Variants in DLG2 observed in about 807,000 individuals in gnomAD.
DLG2 encodes the protein disks large homolog 2.
Under a neutral mutation model 132.5 loss-of-function variants are expected in DLG2, and 45 were observed. That is an observed-to-expected ratio of 0.34 (90% CI 0.27 to 0.44). The LOEUF (loss-of-function observed/expected upper bound fraction) is 0.44. DLG2 is among the 20% of genes least tolerant of loss of function. DLG2 has a pLI of 1.00. For synonymous variants in DLG2, 424 were observed against 419.6 expected (o/e 1.01, Z -0.13); for missense variants, 1,045 against 1,196.9 (o/e 0.87, Z 1.87).
In DLG2 at chr11:83,937,487, G is replaced by A. The variant is rs189280684; in HGVS notation, c.1341-7004C>T. On this transcript the variant is annotated intron_variant, in intron 14 of 27. Coordinates refer to ENST00000376104, the MANE Select transcript of DLG2 (RefSeq NM_001142699.3). ...TGTGCCACCGCACTCCAGCCTGGGC[G>A]AAAGAGTGAGACTCCATCTCAAAAA... 8.8e-3 allele frequency among the ~76,000 whole-genome samples: 1,057 copies of A among 119,770 alleles called. 13 individuals are homozygous for A. The highest frequency in any genetic ancestry group is 0.032 in the African/African-American group (1,006 of 31,060). 78.6% of individuals were successfully genotyped at this position (119,770 alleles called of 152,430 possible).
intron 3 of DLG2, among the ~76,000 whole-genome samples, chr11:85,584,924 G>A (rs1465153742): frequency 6.6e-6 from 1 of 152,196 alleles, no homozygotes; most frequent in Non-Finnish European, 1.5e-5. Flanking sequence ...TGTATAGACT[G>A]CAAAGATTTT....
At chr11:83,940,352 T>A (rs185100783) in intron 14 of DLG2, among the ~76,000 whole-genome samples, 1 of 152,242 alleles carries the variant, frequency 6.6e-6, no homozygotes, top group Non-Finnish European at 1.5e-5. Flanking sequence ...TGTACTTTGA[T>A]GTATTTTAAA....
chr11:84,545,154 G>T, intron 6 of DLG2: 1 of 449,898 alleles, frequency 2.2e-6, no homozygotes, highest in Non-Finnish European at 4.4e-6. Context: ...CACTGCCATG[G>T]CTAATGCTGC....
At chr11:83,970,145 G>A (rs1180280996) in intron 12 of DLG2, among the ~76,000 whole-genome samples, 2 of 152,118 alleles carry the variant, frequency 1.3e-5, no homozygotes, top group Admixed American at 6.6e-5. Flanking sequence ...TTCTGACAAG[G>A]GCTCATTGTC....
At chr11:85,587,053 T>C (rs944817932) in intron 3 of DLG2, among the ~76,000 whole-genome samples, 2 of 152,202 alleles carry the variant, frequency 1.3e-5, no homozygotes, top group African/African-American at 4.8e-5. Context: ...CACTGTGGTC[T>C]GAGAGGGTAC....
intron 4 of DLG2, among the ~76,000 whole-genome samples, chr11:85,179,055 G>C (rs1355888608): frequency 6.6e-6 from 1 of 151,778 alleles, no homozygotes; most frequent in Non-Finnish European, 1.5e-5. Flanking sequence ...TATGCACTCA[G>C]ACACACAAGA....
chr11:84,047,115 G>C (rs899069318), intron 11 of DLG2, among the ~76,000 whole-genome samples: 2 of 151,500 alleles, frequency 1.3e-5, no homozygotes, highest in African/African-American at 4.8e-5. Flanking sequence ...CAGCAGAGGA[G>C]GACTGCATTA....
At chr11:83,855,710 A>G (rs1286896872) in intron 16 of DLG2, among the ~76,000 whole-genome samples, 1 of 152,068 alleles carries the variant, frequency 6.6e-6, no homozygotes. Context: ...TTTTTAAAAA[A>G]CTTTTAAGTT....
chr11:83,560,828 G>A (rs1487935640), intron 19 of DLG2, among the ~76,000 whole-genome samples: 1 of 126,634 alleles, frequency 7.9e-6, no homozygotes, highest in East Asian at 2.4e-4. Flanking sequence ...TTAAGAATAA[G>A]TCCTCCGTAA....
intron 6 of DLG2, among the ~76,000 whole-genome samples, chr11:84,838,728 C>T (rs988558248): frequency 1.1e-4 from 17 of 151,964 alleles, no homozygotes; most frequent in African/African-American, 3.9e-4. Flanking sequence ...ATAAACGGAA[C>T]CAAAGACAAA....
At chr11:84,465,905 A>C (rs1260976597) in intron 7 of DLG2, among the ~76,000 whole-genome samples, 1 of 151,236 alleles carries the variant, frequency 6.6e-6, no homozygotes, top group Non-Finnish European at 1.5e-5. Context: ...CAAACCATTT[A>C]TCTCATAAAG....
At chr11:85,312,703 T>A (rs989068556) in intron 3 of DLG2, among the ~76,000 whole-genome samples, 2 of 151,934 alleles carry the variant, frequency 1.3e-5, no homozygotes, top group African/African-American at 2.4e-5. Flanking sequence ...CTTGAAAAAG[T>A]AAATACTTTA....
At chr11:84,939,541 T>TCCACCATCACCCTTC (rs982629349) in intron 6 of DLG2, among the ~76,000 whole-genome samples, 1 of 152,080 alleles carries the variant, frequency 6.6e-6, no homozygotes, top group Admixed American at 6.6e-5. Flanking sequence ...CATTCCCATT[T>TCCACCATCACCCTTC]CCACCATCAC....
At chr11:84,998,748 T>G (rs2057927360) in intron 6 of DLG2, among the ~76,000 whole-genome samples, 1 of 151,656 alleles carries the variant, frequency 6.6e-6, no homozygotes. Context: ...ATAAGCGGAT[T>G]TTTTTTTGTC....
At chr11:85,286,078 GAA>G in intron 3 of DLG2, 1 of 430,002 alleles carries the variant, frequency 2.3e-6, no homozygotes. Context: ...AAGTCAACAG[GAA>G]AAAAAAAGTA....
intron 15 of DLG2, among the ~76,000 whole-genome samples, chr11:83,911,368 G>C (rs1436291276): frequency 3.3e-5 from 5 of 151,796 alleles, no homozygotes; most frequent in African/African-American, 9.7e-5. Context: ...TTTCCTTCAG[G>C]GTACAGTTTC....
intron 6 of DLG2, chr11:84,763,183 C>T (rs914724441): frequency 6.6e-6 from 1 of 152,176 alleles, no homozygotes; most frequent in Non-Finnish European, 1.5e-5. Flanking sequence ...AGGAGCTCGA[C>T]AGCATTTTGA....
chr11:84,430,935 C>T (rs969247631), intron 7 of DLG2, among the ~76,000 whole-genome samples: 1 of 152,090 alleles, frequency 6.6e-6, no homozygotes, highest in Non-Finnish European at 1.5e-5. Context: ...GACTCACAAG[C>T]CTCTAAGAAA....
intron 18 of DLG2, among the ~76,000 whole-genome samples, chr11:83,782,588 C>G (rs1431006047): frequency 6.6e-6 from 1 of 152,042 alleles, no homozygotes; most frequent in Non-Finnish European, 1.5e-5. Context: ...GAGTAGGAAT[C>G]CTGCAGGTGG....
Sources: allele counts gnomAD v4.1 joint callset (sites outside exome capture counted in the v4.1 genomes callset), GRCh38; gene constraint gnomAD v4.1.1; transcripts MANE v1.5; gene names NCBI Gene and HGNC (gene_info 2026-07-23, HGNC 2026-07-21).